The following CHURC1 variants were observed in gnomAD, a reference collection of about 807,000 sequenced individuals.
CHURC1 encodes protein Churchill.
A neutral mutation model predicts 15.4 loss-of-function variants in CHURC1; 12 were observed. The observed-to-expected ratio is 0.78, with a 90% CI of 0.50 to 1.27. The LOEUF (loss-of-function observed/expected upper bound fraction) is 1.27, where lower values mean the gene tolerates loss of function less well. CHURC1 is among the 50% of genes most tolerant of loss of function. The pLI, the probability that CHURC1 is intolerant of heterozygous loss-of-function variation, is 0.00. For synonymous variants in CHURC1, 42 were observed against 47.5 expected, an observed-to-expected ratio of 0.88 and a Z score of 0.48; for missense variants, 132 against 137.8, an observed-to-expected ratio of 0.96 and a Z score of 0.21.
intron 1 of CHURC1, among the ~76,000 whole-genome samples, chr14:64,921,307 A>G (rs1040495100): frequency 6.6e-6 from 1 of 152,174 alleles, no homozygotes; most frequent in African/African-American, 2.4e-5. Context: ...TCTTAGGAGA[A>G]AAAAAGTATA....
chr14:64,926,299 G>A (rs1414508555), intron 3 of CHURC1, among the ~76,000 whole-genome samples: 1 of 144,116 alleles, frequency 6.9e-6, no homozygotes, highest in African/African-American at 2.7e-5. Context: ...CTCCCACCTC[G>A]GCCTCCAAAG....
At chr14:64,922,756 A>G (rs774270781) in intron 1 of CHURC1, among the ~76,000 whole-genome samples, 1 of 141,914 alleles carries the variant, frequency 7.0e-6, no homozygotes, top group Non-Finnish European at 1.5e-5. Context: ...TCCTCAATAC[A>G]TAGAAGGGAG....
At chr14:64,921,991 A>G (rs1884338044) in intron 1 of CHURC1, among the ~76,000 whole-genome samples, 1 of 152,240 alleles carries the variant, frequency 6.6e-6, no homozygotes, top group African/African-American at 2.4e-5. Context: ...TAGGCATTAT[A>G]TCGAGCAAGG....
intron 2 of CHURC1, among the ~76,000 whole-genome samples, 182 bp from the exon 3 acceptor site, chr14:64,925,828 G>T (rs1461526551): frequency 1.2e-5 from 1 of 83,662 alleles, no homozygotes; most frequent in East Asian, 2.5e-4. Flanking sequence ...ATGTAACGTT[G>T]TTATGTGGCA....
At chr14:64,922,281 TA>T (rs561684751) in intron 1 of CHURC1, among the ~76,000 whole-genome samples, 6 of 149,424 alleles carry the variant, frequency 4.0e-5, no homozygotes, top group Non-Finnish European at 7.4e-5. Context: ...TAGATTTTAT[TA>T]AAAAAAAAAT....
intron 1 of CHURC1, among the ~76,000 whole-genome samples, chr14:64,919,475 G>C (rs1241670457): frequency 6.6e-6 from 1 of 152,198 alleles, no homozygotes; most frequent in African/African-American, 2.4e-5. Context: ...TAGCAAAACA[G>C]TTGTATGTAA....
chr14:64,916,291 T>A (rs1883874249), intron 1 of CHURC1, among the ~76,000 whole-genome samples: 1 of 152,236 alleles, frequency 6.6e-6, no homozygotes, highest in Non-Finnish European at 1.5e-5. Flanking sequence ...TAGTGGTTAC[T>A]CCTAAGGGAT....
chr14:64,916,669 A>G (rs954449561), intron 1 of CHURC1, among the ~76,000 whole-genome samples: 4 of 151,942 alleles, frequency 2.6e-5, no homozygotes, highest in African/African-American at 9.7e-5. Flanking sequence ...GCTCCGCCTC[A>G]CTGGTTCATG....
At chr14:64,928,144 AC>A (rs1884848923) in intron 3 of CHURC1, among the ~76,000 whole-genome samples, 1 of 151,944 alleles carries the variant, frequency 6.6e-6, no homozygotes, top group South Asian at 2.1e-4. Flanking sequence ...CTCTAATGCT[AC>A]CCCTACTGCA....
chr14:64,917,676 G>A (rs999476118), intron 1 of CHURC1, among the ~76,000 whole-genome samples: 1 of 152,196 alleles, frequency 6.6e-6, no homozygotes, highest in African/African-American at 2.4e-5. Context: ...AGTGAGCCAT[G>A]ATCGTGCCAT....
At chr14:64,917,529 C>T (rs573904770) in intron 1 of CHURC1, among the ~76,000 whole-genome samples, 6 of 152,298 alleles carry the variant, frequency 3.9e-5, no homozygotes, top group Non-Finnish European at 5.9e-5. Flanking sequence ...CACCACTGCT[C>T]TCCACCATGG....
chr14:64,927,465 C>A (rs1386645133), intron 3 of CHURC1, among the ~76,000 whole-genome samples: 1 of 152,152 alleles, frequency 6.6e-6, no homozygotes. Context: ...GAGTTATGTA[C>A]AGCTCCTGAA....
At chr14:64,928,309 C>T (rs1884865113) in intron 3 of CHURC1, among the ~76,000 whole-genome samples, 1 of 152,148 alleles carries the variant, frequency 6.6e-6, no homozygotes, top group Non-Finnish European at 1.5e-5. Context: ...GTGCAGTGGC[C>T]TGATCACAGC....
chr14:64,932,313 A>G lies in CHURC1; in HGVS notation c.*83A>G. Reference sequence around the variant, plus strand: ...TGATGGTTTGTCTTATTTCATTCATACTGAAAATTCTTTGCATATTTTTTT... The same window carrying G: ...TGATGGTTTGTCTTATTTCATTCATGCTGAAAATTCTTTGCATATTTTTTT... On this transcript the variant is annotated 3_prime_UTR_variant, in exon 4 of 4. Transcript: ENST00000549115. 1 of 1,546,662 alleles carries G rather than the reference A, an allele frequency of 6.5e-7. No homozygotes were observed. The highest frequency in any genetic ancestry group is 8.7e-7 in the Non-Finnish European group (1 of 1,143,920).
At position 64,934,695 on chromosome 14, in the gene CHURC1, TTAAA is replaced by T; in HGVS notation, c.*2468_*2471del. The T allele has an allele frequency of 3.0e-6, 3 of 985,454 alleles. No homozygotes were observed. The highest frequency in any genetic ancestry group is 3.6e-6 in the Non-Finnish European group (3 of 829,930). The allele number at this position is 985,454 out of a possible 1,614,324, so 61.0% of individuals were successfully genotyped here. Reference sequence around the variant, plus strand: ...AAAGCAGAGAAAATGCTTCATTACTTTAAATAGCAGCATTAAGCCCATTATAGCC... The same window carrying T: ...AAAGCAGAGAAAATGCTTCATTACTTTAGCAGCATTAAGCCCATTATAGCC... On this transcript the variant is annotated 3_prime_UTR_variant, in exon 4 of 4. Transcript: ENST00000549115.
intron 3 of CHURC1, among the ~76,000 whole-genome samples, chr14:64,927,933 G>T (rs1884836044): frequency 6.6e-6 from 1 of 151,788 alleles, no homozygotes; most frequent in Admixed American, 6.6e-5. Context: ...AATACTTTTG[G>T]GTGACCTCAT....
rs1242256574 is a variant in CHURC1 at position 64,933,416 on chromosome 14, A to G, written c.*1186A>G. Reference sequence around the variant, plus strand: ...GGGATTTTAGAATATCTTACTTTGCATAGTTTCATGAGCACTGGCCAGGAG... The same window carrying G: ...GGGATTTTAGAATATCTTACTTTGCGTAGTTTCATGAGCACTGGCCAGGAG... On this transcript the variant is annotated 3_prime_UTR_variant, in exon 4 of 4. Coordinates refer to ENST00000549115, the MANE Select transcript of CHURC1 (RefSeq NM_001386928.1). 7 of 985,372 alleles carry G rather than the reference A, an allele frequency of 7.1e-6. No individual in the cohort carries two copies. In the African/African-American group the frequency reaches 1.2e-4, roughly 17 times the overall value. 61.0% of individuals were successfully genotyped at this position (985,372 alleles called of 1,614,324 possible).
intron 1 of CHURC1, among the ~76,000 whole-genome samples, chr14:64,918,381 A>C (rs990741342): frequency 1.3e-5 from 2 of 152,224 alleles, no homozygotes; most frequent in Non-Finnish European, 2.9e-5. Context: ...CTCTCTTCCT[A>C]TTGTTCAGTA....
intron 3 of CHURC1, chr14:64,930,798 AG>A (rs779736523): frequency 5.2e-4 from 236 of 453,286 alleles, no homozygotes; most frequent in Admixed American, 8.6e-4. Context: ...TTCCTGTAAA[AG>A]GTTGCCATCC....
Sources: gnomAD v4.1 joint callset for allele counts (sites outside exome capture counted in the v4.1 genomes callset) on GRCh38, gnomAD v4.1.1 for gene constraint, MANE v1.5 for transcripts, NCBI Gene and HGNC (gene_info 2026-07-23, HGNC 2026-07-21) for gene names.